The following ANXA4 variants were observed in gnomAD, a reference collection of about 807,000 sequenced individuals.
The protein encoded by ANXA4 is 35-beta calcimedin.
Under a neutral mutation model 49.8 loss-of-function variants are expected in ANXA4, and 39 were observed. The ratio of observed to expected loss-of-function variants is 0.78; its 90% CI spans 0.61 to 1.02. The LOEUF (loss-of-function observed/expected upper bound fraction) is 1.02. Among genes scored for constraint, ANXA4 ranks in the 50% least tolerant of loss-of-function variants. ANXA4 has a pLI of 0.00. For synonymous variants in ANXA4, 134 were observed against 152.5 expected, an observed-to-expected ratio of 0.88 and a Z score of 0.89; for missense variants, 360 against 410.1, an observed-to-expected ratio of 0.88 and a Z score of 1.05.
At chr2:69,725,375 ATTAT>A (rs1669936506) in intron 3 of ANXA4, among the ~76,000 whole-genome samples, 1 of 148,362 alleles carries the variant, frequency 6.7e-6, no homozygotes, top group African/African-American at 2.4e-5. Context: ...ATATAAATTT[ATTAT>A]TTATTTATAT....
chr2:69,821,987 C>T (rs921855799), intron 12 of ANXA4, among the ~76,000 whole-genome samples: 1 of 152,144 alleles, frequency 6.6e-6, no homozygotes, highest in Non-Finnish European at 1.5e-5. Context: ...CTCTTGTGCA[C>T]TGTTGGTAGG....
At chr2:69,669,208 G>A (rs1677062326) in intron 2 of ANXA4, among the ~76,000 whole-genome samples, 1 of 150,886 alleles carries the variant, frequency 6.6e-6, no homozygotes, top group Non-Finnish European at 1.5e-5. Flanking sequence ...GCCTCCCAAA[G>A]CACTGGGATT....
At chr2:69,717,528 G>A (rs1181981563) in intron 2 of ANXA4, among the ~76,000 whole-genome samples, 2 of 152,192 alleles carry the variant, frequency 1.3e-5, no homozygotes, top group African/African-American at 2.4e-5. Flanking sequence ...GTGAGTTCAA[G>A]GGATCTGACT....
chr2:69,780,662 A>G (rs1248732348), intron 1 of ANXA4, among the ~76,000 whole-genome samples: 1 of 152,182 alleles, frequency 6.6e-6, no homozygotes, highest in African/African-American at 2.4e-5. Flanking sequence ...GGATCGCTTG[A>G]GTCCAGGAGT....
chr2:69,731,004 T>C (rs1670082592), intron 3 of ANXA4, among the ~76,000 whole-genome samples: 1 of 149,360 alleles, frequency 6.7e-6, no homozygotes. Flanking sequence ...TTTGAAGTGC[T>C]GGCCCTGAGG....
intron 6 of ANXA4, chr2:69,809,876 GCC>G (rs1221149955): frequency 6.6e-6 from 1 of 152,264 alleles, no homozygotes; most frequent in East Asian, 1.9e-4. Context: ...TCCAACCCCA[GCC>G]CCACCTCAAA....
At chr2:69,761,527 G>A (rs542167700) in intron 1 of ANXA4, among the ~76,000 whole-genome samples, 10 of 131,218 alleles carry the variant, frequency 7.6e-5, no homozygotes, top group Admixed American at 3.9e-4. Flanking sequence ...GTTAATTCAC[G>A]AACTCTCTTG....
chr2:69,773,968 G>T (rs1007583350), intron 1 of ANXA4, among the ~76,000 whole-genome samples: 1 of 152,100 alleles, frequency 6.6e-6, no homozygotes, highest in East Asian at 1.9e-4. Context: ...TAGTAGCTGG[G>T]ATTACAGGCA....
At chr2:69,665,262 C>T (rs1438303388) in intron 2 of ANXA4, among the ~76,000 whole-genome samples, 3 of 152,084 alleles carry the variant, frequency 2.0e-5, no homozygotes, top group African/African-American at 2.4e-5. Context: ...GAACAGACCA[C>T]GTTAAAATAG....
At chr2:69,757,832 G>A (rs1671124863) in intron 1 of ANXA4, among the ~76,000 whole-genome samples, 1 of 151,696 alleles carries the variant, frequency 6.6e-6, no homozygotes, top group Admixed American at 6.6e-5. Flanking sequence ...AGTGGTGTGT[G>A]CCTATAGTCC....
chr2:69,726,924 C>A (rs1004375770), intron 3 of ANXA4, among the ~76,000 whole-genome samples: 13 of 152,136 alleles, frequency 8.5e-5, no homozygotes, highest in African/African-American at 3.1e-4. Flanking sequence ...GTTCTGTCGC[C>A]CAGGCTGGAG....
chr2:69,730,479 G>A (rs1424085573), intron 3 of ANXA4, among the ~76,000 whole-genome samples: 2 of 152,190 alleles, frequency 1.3e-5, no homozygotes, highest in Non-Finnish European at 2.9e-5. Context: ...TCCAGCCTGG[G>A]CGACAAGAAT....
At chr2:69,750,160 T>G (rs1297545516) in intron 1 of ANXA4, among the ~76,000 whole-genome samples, 1 of 152,232 alleles carries the variant, frequency 6.6e-6, no homozygotes, top group Admixed American at 6.5e-5. Context: ...CCATTGAACA[T>G]TGTTTGTGAA....
chr2:69,802,976 C>T (rs370723384), intron 3 of ANXA4, among the ~76,000 whole-genome samples: 4 of 151,898 alleles, frequency 2.6e-5, no homozygotes, highest in South Asian at 2.1e-4. Flanking sequence ...GCAGGTGGAT[C>T]GCCTGAGGTC....
intron 1 of ANXA4, among the ~76,000 whole-genome samples, chr2:69,651,892 T>A (rs1397052217): frequency 1.4e-5 from 2 of 145,406 alleles, no homozygotes; most frequent in African/African-American, 5.2e-5. Flanking sequence ...CTCAGCTCAT[T>A]CCAGCCTCAA....
intron 1 of ANXA4, among the ~76,000 whole-genome samples, chr2:69,773,727 G>A (rs752749170): frequency 6.8e-6 from 1 of 147,292 alleles, no homozygotes; most frequent in Non-Finnish European, 1.5e-5. Context: ...TGCCTCCTGG[G>A]TTCAAGCAAT....
intron 2 of ANXA4, among the ~76,000 whole-genome samples, chr2:69,714,946 GTAA>G (rs1678828228): frequency 3.9e-5 from 6 of 152,196 alleles, no homozygotes; most frequent in African/African-American, 1.4e-4. Flanking sequence ...GTGAAGTCAA[GTAA>G]CAGATGTGGA....
Position 69,812,729 on chromosome 2 carries a change from C to G in ANXA4, c.534+20C>G. 1 of 1,613,086 alleles carries G rather than the reference C, an allele frequency of 6.2e-7. No homozygotes were observed. Among genetic ancestry groups the G allele is most frequent in the Non-Finnish European group, 8.5e-7 (1 of 1,179,146 alleles). The stretch of plus-strand genomic sequence containing the variant: ...GCCCAGGTTGGTAGAACTGCAGCTT[C>G]TTTCTTCCAGCTTTCTTCTCTTTCG... On this transcript the variant is annotated intron_variant, in intron 8 of 12. Coordinates refer to ENST00000394295, the MANE Select transcript of ANXA4 (RefSeq NM_001153.5).
At chr2:69,773,621 CT>C (rs67161210) in intron 1 of ANXA4, among the ~76,000 whole-genome samples, 13,794 of 92,876 alleles carry the variant, frequency 0.15, 126 homozygotes, top group East Asian at 0.23. Context: ...TTCTTTCCTT[CT>C]TTTTTTTTTT....
Sources: allele counts gnomAD v4.1 joint callset (sites outside exome capture counted in the v4.1 genomes callset), GRCh38; gene constraint gnomAD v4.1.1; transcripts MANE v1.5; gene names NCBI Gene and HGNC (gene_info 2026-07-23, HGNC 2026-07-21).